SFT2D1: variants seen among roughly 807,000 people sequenced by gnomAD.
The protein encoded by SFT2D1 is vesicle transport protein SFT2A.
A neutral mutation model predicts 28.1 loss-of-function variants in SFT2D1; 24 were observed. The observed-to-expected ratio is 0.85, with a 90% confidence interval of 0.62 to 1.20. The LOEUF is 1.20. SFT2D1 is among the 50% of genes most tolerant of loss of function. SFT2D1 has a pLI of 0.00. For synonymous variants in SFT2D1, 82 were observed against 73.7 expected (o/e 1.11, Z -0.58); for missense variants, 181 against 190.9 (o/e 0.95, Z 0.31).
chr6:166,320,555 CTTT>C (rs34877356), intron 7 of SFT2D1, among the ~76,000 whole-genome samples: 4 of 151,174 alleles, frequency 2.6e-5, no homozygotes, highest in African/African-American at 9.7e-5. Context: ...TAACTTTTTT[CTTT>C]TTTTTTCCTT....
At position 166,335,479 on chromosome 6, in the gene SFT2D1, C is replaced by T. The variant is rs1381414573; in HGVS notation, c.64-5232G>A. 7.6e-6 allele frequency: 4 copies of T among 522,944 alleles called. No homozygotes were observed. In the African/African-American group the frequency reaches 7.7e-5, roughly 10 times the overall value. The allele number at this position is 522,944 out of a possible 1,614,324, so 32.4% of individuals were successfully genotyped here. On this transcript the variant is annotated intron_variant, in intron 1 of 7. Transcript: ENST00000361731. ...GAGAACAATACTTTGCCAAATTTTA[C>T]TTTACTTTACAAAACCAAGGTGGCT...
chr6:166,338,532 C>T (rs1778707544), intron 1 of SFT2D1, among the ~76,000 whole-genome samples: 1 of 152,020 alleles, frequency 6.6e-6, no homozygotes, highest in Non-Finnish European at 1.5e-5. Context: ...GTGAAGACAT[C>T]AGGAAGTGAC....
intron 5 of SFT2D1, among the ~76,000 whole-genome samples, chr6:166,325,298 C>T (rs1778423436): frequency 6.6e-6 from 1 of 152,094 alleles, no homozygotes; most frequent in Non-Finnish European, 1.5e-5. Context: ...TGGAATATTT[C>T]TGATAGCATT....
chr6:166,336,947 T>A (rs141481438), intron 1 of SFT2D1, among the ~76,000 whole-genome samples: 1 of 152,122 alleles, frequency 6.6e-6, no homozygotes, highest in Non-Finnish European at 1.5e-5. Context: ...TACCATCACA[T>A]TGGGGATTAA....
intron 1 of SFT2D1, chr6:166,335,341 T>C: frequency 3.5e-6 from 2 of 577,748 alleles, no homozygotes; most frequent in East Asian, 4.4e-5. Flanking sequence ...GAATCAATTC[T>C]GGAGGTGGCA....
At chr6:166,330,856 G>A (rs992265272) in intron 1 of SFT2D1, among the ~76,000 whole-genome samples, 1 of 152,208 alleles carries the variant, frequency 6.6e-6, no homozygotes, top group African/African-American at 2.4e-5. Context: ...AGAGGACGCT[G>A]GCCACCTACA....
intron 4 of SFT2D1, among the ~76,000 whole-genome samples, chr6:166,327,074 T>C (rs1778458425): frequency 6.6e-6 from 1 of 151,628 alleles, no homozygotes; most frequent in Non-Finnish European, 1.5e-5. Flanking sequence ...TAAAAATGAG[T>C]TTTTACTCTA....
Position 166,327,774 on chromosome 6 carries a change from T to C in SFT2D1, c.315+502A>G, listed in dbSNP as rs562116684. ...AGTAGTCTTAGACAATACTGTACCA[T>C]CTGAACTCTATAACCACATAGGATA... is the stretch of plus-strand genomic sequence containing the variant. On this transcript the variant is annotated intron_variant, in intron 4 of 7. Transcript: ENST00000361731. 9.2e-5 allele frequency among the ~76,000 whole-genome samples: 14 copies of C among 152,256 alleles called. No homozygotes were observed. In the South Asian group the frequency reaches 2.9e-3, roughly 32 times the overall value.
At position 166,327,380 on chromosome 6, in the gene SFT2D1, T is replaced by C. The variant is rs548458919; in HGVS notation, c.315+896A>G. ...CGTATGAGAATGGAAACAACCTTACTAGCCAAAGTGTAAGCTCTCATCTAC... is the reference window on the plus strand; with the variant it reads ...CGTATGAGAATGGAAACAACCTTACCAGCCAAAGTGTAAGCTCTCATCTAC... On this transcript the variant is annotated intron_variant, in intron 4 of 7. Transcript: ENST00000361731. Among the ~76,000 whole-genome samples the C allele has an allele frequency of 3.9e-5, 6 of 152,274 alleles. No individual in the cohort carries two copies. In the South Asian group the frequency reaches 1.0e-3, roughly 26 times the overall value.
In SFT2D1 at chr6:166,326,124, T is replaced by C. The variant is rs1394435778; in HGVS notation, c.351+8A>G. ...TAACTGAAAGCCAGTAGGGCTGACA[T>C]AACTTACCCAAAGAGCAGCACACAG... On this transcript the variant is annotated splice_region_variant and intron_variant, in intron 5 of 7. Transcript: ENST00000361731. 3 of 1,613,516 alleles carry C rather than the reference T, an allele frequency of 1.9e-6. No individual in the cohort carries two copies. Among genetic ancestry groups the C allele is most frequent in the Non-Finnish European group, 2.5e-6 (3 of 1,179,602 alleles).
rs114454638 is a variant in SFT2D1, at chr6:166,326,978, A to T, written c.316-811T>A. ...AATGTTTATATATATGTTGATACAT[A>T]TGCTATTATAGGAAATTCAAAATAA... On this transcript the variant is annotated intron_variant, in intron 4 of 7. Coordinates refer to ENST00000361731, the MANE Select transcript of SFT2D1 (RefSeq NM_145169.3). 2.8e-3 allele frequency among the ~76,000 whole-genome samples: 427 copies of T among 152,378 alleles called. 3 individuals carry two copies. Among genetic ancestry groups the T allele is most frequent in the African/African-American group, 9.4e-3 (392 of 41,590 alleles).
intron 1 of SFT2D1, among the ~76,000 whole-genome samples, chr6:166,332,569 A>C (rs1296921941): frequency 2.0e-5 from 3 of 152,222 alleles, no homozygotes; most frequent in African/African-American, 7.2e-5. Flanking sequence ...CCTGCTTATC[A>C]TAAGCATTTA....
intron 6 of SFT2D1, 185 bp downstream of exon 6, chr6:166,324,352 C>T (rs1778406545): frequency 1.9e-6 from 1 of 531,180 alleles, no homozygotes; most frequent in East Asian, 3.0e-5. Context: ...TTCTCCCGAA[C>T]AGTACCACTG....
intron 1 of SFT2D1, among the ~76,000 whole-genome samples, chr6:166,334,308 C>T (rs4144888): frequency 0.25 from 38,110 of 152,182 alleles, 4,952 homozygotes; most frequent in East Asian, 0.34. Context: ...ACCAAAAATA[C>T]CATAGGCCAG....
intron 1 of SFT2D1, among the ~76,000 whole-genome samples, chr6:166,330,450 C>G (rs1778529114): frequency 1.3e-5 from 2 of 152,144 alleles, no homozygotes; most frequent in South Asian, 4.1e-4. Flanking sequence ...TGAGGAATAA[C>G]CATTAATTTT....
intron 1 of SFT2D1, among the ~76,000 whole-genome samples, chr6:166,337,983 T>C (rs1422133608): frequency 1.3e-5 from 2 of 152,124 alleles, no homozygotes; most frequent in African/African-American, 2.4e-5. Flanking sequence ...CATGTCAAGA[T>C]ATAACCAGAG....
intron 1 of SFT2D1, among the ~76,000 whole-genome samples, chr6:166,338,730 T>C (rs1404930638): frequency 6.6e-6 from 1 of 151,830 alleles, no homozygotes; most frequent in East Asian, 1.9e-4. Flanking sequence ...AAGGGAGGGA[T>C]CTGGATTTTA....
intron 1 of SFT2D1, chr6:166,335,079 TG>T (rs1562446382): frequency 3.5e-6 from 2 of 567,018 alleles, no homozygotes; most frequent in East Asian, 8.7e-5. Flanking sequence ...AATACCATAC[TG>T]TGAATGGCCA....
intron 1 of SFT2D1, among the ~76,000 whole-genome samples, chr6:166,332,035 C>G (rs868004025): frequency 1.3e-5 from 2 of 152,154 alleles, no homozygotes; most frequent in African/African-American, 4.8e-5. Context: ...TGCCATCTTC[C>G]GTGTATTGAT....
Sources: allele counts gnomAD v4.1 joint callset (sites outside exome capture counted in the v4.1 genomes callset), GRCh38; gene constraint gnomAD v4.1.1; transcripts MANE v1.5; gene names NCBI Gene and HGNC (gene_info 2026-07-23, HGNC 2026-07-21).